Variants in RXRG observed in about 807,000 individuals in gnomAD.
The protein encoded by RXRG is retinoid X receptor gamma.
RXRG carries 19 observed loss-of-function variants against 49.2 expected under a neutral mutation model. That is an observed-to-expected ratio of 0.39 (90% confidence interval 0.27 to 0.57). The LOEUF is 0.57. Ranked by LOEUF, RXRG falls within the 20% of genes least tolerant of loss-of-function variation. The pLI is 0.64. For synonymous variants in RXRG, 224 were observed against 216.6 expected, an observed-to-expected ratio of 1.03 and a Z score of -0.30; for missense variants, 452 against 592.5, an observed-to-expected ratio of 0.76 and a Z score of 2.46.
intron 1 of RXRG, among the ~76,000 whole-genome samples, chr1:165,435,073 A>G (rs1187304821): frequency 6.6e-6 from 1 of 152,182 alleles, no homozygotes; most frequent in African/African-American, 2.4e-5. Flanking sequence ...AAAATCCAAA[A>G]CTTTCTGAGC....
At chr1:165,424,282 C>G (rs1376159390) in intron 2 of RXRG, among the ~76,000 whole-genome samples, 5 of 152,238 alleles carry the variant, frequency 3.3e-5, no homozygotes, top group African/African-American at 1.2e-4. Flanking sequence ...GTGCCCAGTA[C>G]TGGGCCTGGT....
chr1:165,402,382 G>A (rs1044284375), intron 9 of RXRG, among the ~76,000 whole-genome samples: 15 of 152,068 alleles, frequency 9.9e-5, no homozygotes, highest in Admixed American at 9.2e-4. Flanking sequence ...CACCGCACCC[G>A]GCCAATTGTT....
intron 9 of RXRG, 112 bp downstream of exon 9, chr1:165,406,700 T>A: frequency 1.3e-6 from 1 of 789,342 alleles, no homozygotes; most frequent in Non-Finnish European, 2.1e-6. Context: ...GTTATGAAGA[T>A]TAAATAACAT....
chr1:165,444,116 C>T (rs1380338539), intron 1 of RXRG, among the ~76,000 whole-genome samples: 2 of 152,092 alleles, frequency 1.3e-5, no homozygotes, highest in Non-Finnish European at 1.5e-5. Context: ...GACTGGGCTG[C>T]CCTGCCTGGC....
At chr1:165,401,709 T>A (rs535711229) in intron 9 of RXRG, among the ~76,000 whole-genome samples, 2 of 152,368 alleles carry the variant, frequency 1.3e-5, no homozygotes, top group South Asian at 2.1e-4. Context: ...AAGAACTAGA[T>A]GACTGTGTCC....
chr1:165,403,029 A>G lies in RXRG; in HGVS notation c.1245-1619T>C, dbSNP rs1381026299. On this transcript the variant is annotated intron_variant, in intron 9 of 9. Coordinates refer to ENST00000359842, the MANE Select transcript of RXRG (RefSeq NM_006917.5). The stretch of plus-strand genomic sequence containing the variant: ...TCTAACATGTTCTTACAACATGCAC[A>G]CACACATACCCTCACACACTCACTC... Among the ~76,000 whole-genome samples, 3 of 152,160 alleles carry G rather than the reference A, an allele frequency of 2.0e-5. No individual in the cohort carries two copies. In the East Asian group the frequency reaches 5.8e-4, roughly 29 times the overall value.
At chr1:165,414,522 C>T (rs1046622768) in intron 4 of RXRG, among the ~76,000 whole-genome samples, 1 of 152,164 alleles carries the variant, frequency 6.6e-6, no homozygotes, top group East Asian at 1.9e-4. Flanking sequence ...TGAGACCATT[C>T]ACTTTCCTTT....
At chr1:165,439,272 G>T (rs565755049) in intron 1 of RXRG, among the ~76,000 whole-genome samples, 1 of 123,496 alleles carries the variant, frequency 8.1e-6, no homozygotes, top group African/African-American at 3.0e-5. Flanking sequence ...GGGGGCGGGG[G>T]TGGAGGAAGA....
In RXRG at chr1:165,419,953, C is replaced by T; in HGVS notation, c.359G>A (p.Gly120Glu). ...EDIKPLPGLP[G>E]IGNMNYPSTS... Reference sequence around the variant, plus strand: ...GGATGGGTAGTTCATGTTTCCAATCCCGGGAAGCCCTGGTAAGGGCTTGAT... The same window carrying T: ...GGATGGGTAGTTCATGTTTCCAATCTCGGGAAGCCCTGGTAAGGGCTTGAT... Residue 120 changes from glycine to glutamate, a missense_variant, in exon 3 of 10, where the codon GGG (glycine) becomes GAG (glutamate). By Grantham distance (98) the Gly-to-Glu change is moderately conservative (BLOSUM62 -2). Transcript: ENST00000359842. 1 of 1,613,332 alleles carries T rather than the reference C, an allele frequency of 6.2e-7. No individual in the cohort carries two copies. Among genetic ancestry groups the T allele is most frequent in the Non-Finnish European group, 8.5e-7 (1 of 1,179,618 alleles).
intron 4 of RXRG, among the ~76,000 whole-genome samples, chr1:165,414,106 G>A (rs529974149): frequency 3.3e-5 from 5 of 152,240 alleles, no homozygotes; most frequent in South Asian, 2.1e-4. Flanking sequence ...TTTGAAATGC[G>A]CCCCCTTATA....
chr1:165,411,246 G>C (rs914133908), intron 4 of RXRG, 137 bp from the exon 5 acceptor site: 5 of 901,878 alleles, frequency 5.5e-6, no homozygotes, highest in Non-Finnish European at 8.2e-6. Context: ...ATGTTGGAAT[G>C]TTGACAGATG....
Position 165,411,066 on chromosome 1 carries a change from A to C in RXRG, c.666T>G (p.Ser222Arg). ...GACCACTGGTAGCACATTCTGCCTC[A>C]CTCTCAGCTCGCTCTCGGCTCCTCT... ...ERQRSRERAE[S>R]EAECATSGHE... Residue 222 changes from serine to arginine, a missense_variant, in exon 5 of 10, where the codon AGT (serine) becomes AGG (arginine). Physicochemically the swap from Ser to Arg is moderately radical, Grantham distance 110. Coordinates refer to ENST00000359842, the MANE Select transcript of RXRG (RefSeq NM_006917.5). 1 of 1,613,922 alleles carries C rather than the reference A, an allele frequency of 6.2e-7. No individual in the cohort carries two copies. Among genetic ancestry groups the C allele is most frequent in the Non-Finnish European group, 8.5e-7 (1 of 1,179,982 alleles).
At chr1:165,420,429 T>G (rs1658275646) in intron 2 of RXRG, among the ~76,000 whole-genome samples, 1 of 152,174 alleles carries the variant, frequency 6.6e-6, no homozygotes, top group African/African-American at 2.4e-5. Context: ...GCTAAAGACT[T>G]ACACTCTAAG....
Position 165,409,585 on chromosome 1 carries a change from C to T in RXRG, c.1019G>A (p.Ser340Asn). The T allele has an allele frequency of 6.4e-7, 1 of 1,552,878 alleles. No individual in the cohort carries two copies. The highest frequency in any genetic ancestry group is 8.7e-7 in the Non-Finnish European group (1 of 1,151,370). Residue 340 changes from serine (S) to asparagine (N), a missense_variant, in exon 7 of 10, where the codon AGT becomes AAT. Around this residue, in one of 2 missense-constraint regions of RXRG, gnomAD observed 286 missense variants for 440.9 expected, o/e 0.65. Coordinates refer to ENST00000359842, the MANE Select transcript of RXRG (RefSeq NM_006917.5). ...GTCAAAGATGGAGCCGACCCCAGCA[C>T]TGTGGGCACTGCTCCGGTGGACATG... ...GLHVHRSSAH[S>N]AGVGSIFDRV...
At chr1:165,430,730 G>A (rs1658648498) in intron 1 of RXRG, among the ~76,000 whole-genome samples, 1 of 152,246 alleles carries the variant, frequency 6.6e-6, no homozygotes, top group South Asian at 2.1e-4. Context: ...TTTATTATGT[G>A]TCCTCAATAG....
In RXRG at chr1:165,419,866, G is replaced by A; in HGVS notation, c.442+4C>T. The A allele has an allele frequency of 6.2e-7, 1 of 1,602,808 alleles. No homozygotes were observed. Among genetic ancestry groups the A allele is most frequent in the Non-Finnish European group, 8.5e-7 (1 of 1,173,698 alleles). On this transcript the variant is annotated splice_donor_region_variant and intron_variant, in intron 3 of 9. Coordinates refer to ENST00000359842, the MANE Select transcript of RXRG (RefSeq NM_006917.5). ...TTTCAGGGAGTGTCTGCTTCTGCAT[G>A]TACCTGAGGATCTGTCTCCACAGAT...
At chr1:165,425,645 T>C (rs466639) in intron 2 of RXRG, among the ~76,000 whole-genome samples, 132,992 of 152,222 alleles carry the variant, frequency 0.87, 58,180 homozygotes, top group Admixed American at 0.92. Context: ...ATCAATGGCC[T>C]TGCTGATTAT....
At chr1:165,416,808 C>G (rs1658139515) in intron 4 of RXRG, among the ~76,000 whole-genome samples, 1 of 152,204 alleles carries the variant, frequency 6.6e-6, no homozygotes, top group African/African-American at 2.4e-5. Flanking sequence ...CCTCTCTGCT[C>G]TGGAGAGACA....
chr1:165,402,051 C>A (rs1240563459), intron 9 of RXRG, among the ~76,000 whole-genome samples: 2 of 151,964 alleles, frequency 1.3e-5, no homozygotes, highest in East Asian at 3.9e-4. Flanking sequence ...TCCACAGTCA[C>A]CAAATTTTTG....
Sources: allele counts gnomAD v4.1 joint callset (sites outside exome capture counted in the v4.1 genomes callset), GRCh38; gene constraint gnomAD v4.1.1; regional missense constraint gnomAD v4.1.1; transcripts MANE v1.5; gene names NCBI Gene and HGNC (gene_info 2026-07-23, HGNC 2026-07-21).